GPC5: variants seen among roughly 807,000 people sequenced by gnomAD.
GPC5 encodes glypican-5.
GPC5 carries 47 observed loss-of-function variants against 53.9 expected under a neutral mutation model. The ratio of observed to expected loss-of-function variants is 0.87; its 90% CI spans 0.69 to 1.11. GPC5 has a LOEUF of 1.11. Ranked by LOEUF, GPC5 falls within the 50% of genes most tolerant of loss-of-function variation. The probability of loss-of-function intolerance (pLI) is 0.00; values close to 1 mark genes in which losing one functional copy is unlikely to be tolerated. For synonymous variants in GPC5, 286 were observed against 263.3 expected (o/e 1.09, Z -0.84); for missense variants, 748 against 713.1 (o/e 1.05, Z -0.56).
At chr13:91,757,260 T>C (rs574082066) in intron 5 of GPC5, among the ~76,000 whole-genome samples, 3 of 152,258 alleles carry the variant, frequency 2.0e-5, no homozygotes, top group Admixed American at 6.5e-5. Flanking sequence ...TCTGTTAAAC[T>C]ATAAAATAAA....
intron 7 of GPC5, among the ~76,000 whole-genome samples, chr13:92,204,286 T>A (rs1218170880): frequency 6.6e-6 from 1 of 152,216 alleles, no homozygotes; most frequent in Non-Finnish European, 1.5e-5. Context: ...TACTAATGGC[T>A]TATGAGGTTT....
At chr13:91,510,831 GT>G (rs1266990238) in intron 2 of GPC5, among the ~76,000 whole-genome samples, 2 of 151,936 alleles carry the variant, frequency 1.3e-5, no homozygotes, top group Admixed American at 6.6e-5. Flanking sequence ...TTTTTCAGTT[GT>G]TTTATTAACT....
intron 5 of GPC5, among the ~76,000 whole-genome samples, chr13:91,782,678 T>A (rs1013194097): frequency 6.6e-6 from 1 of 152,184 alleles, no homozygotes; most frequent in African/African-American, 2.4e-5. Flanking sequence ...TGTACCTAAT[T>A]TATGAAACTT....
intron 1 of GPC5, among the ~76,000 whole-genome samples, chr13:91,415,805 T>C (rs1407149532): frequency 6.6e-6 from 1 of 152,134 alleles, no homozygotes; most frequent in Non-Finnish European, 1.5e-5. Flanking sequence ...AATGTAAAGA[T>C]GTTGCTCAAT....
At chr13:92,446,699 A>T (rs1192823336) in intron 7 of GPC5, 1 of 152,158 alleles carries the variant, frequency 6.6e-6, no homozygotes, top group East Asian at 1.9e-4. Context: ...TTTGTGAGGA[A>T]CACCCAAGCT....
chr13:91,513,151 T>C (rs551593331), intron 2 of GPC5, among the ~76,000 whole-genome samples: 2 of 152,328 alleles, frequency 1.3e-5, no homozygotes, highest in East Asian at 1.9e-4. Flanking sequence ...TAGCTCTTTT[T>C]CCTTCATTAA....
At chr13:91,450,682 G>A (rs1054639766) in intron 2 of GPC5, among the ~76,000 whole-genome samples, 7 of 152,024 alleles carry the variant, frequency 4.6e-5, no homozygotes, top group African/African-American at 1.7e-4. Flanking sequence ...TTTGTTTTCT[G>A]TTTACTAAAT....
At chr13:91,821,454 G>A (rs371069874) in intron 5 of GPC5, among the ~76,000 whole-genome samples, 2 of 151,936 alleles carry the variant, frequency 1.3e-5, no homozygotes, top group Non-Finnish European at 2.9e-5. Context: ...TTCTTGTTCC[G>A]TTGTTTTGTT....
rs61418155 is a variant in GPC5 at position 92,170,420 on chromosome 13, C to CTTTTTTTTT, written c.1561+25446_1561+25454dup. On this transcript the variant is annotated intron_variant, in intron 7 of 7. Transcript: ENST00000377067. ...TTTTTCTTTTTTTGTCTTTTCTTTG[C>CTTTTTTTTT]TTTTTTTTTTTTTTTTTTTTTTTGA... Among the ~76,000 whole-genome samples the CTTTTTTTTT allele has an allele frequency of 7.0e-4, 53 of 75,262 alleles. 1 individual carries two copies. Among genetic ancestry groups the CTTTTTTTTT allele is most frequent in the East Asian group, 1.3e-3 (3 of 2,244 alleles). 49.4% of individuals were successfully genotyped at this position (75,262 alleles called of 152,430 possible).
At chr13:92,732,250 T>A (rs1888828884) in intron 7 of GPC5, among the ~76,000 whole-genome samples, 1 of 151,522 alleles carries the variant, frequency 6.6e-6, no homozygotes, top group African/African-American at 2.4e-5. Flanking sequence ...CAACCTAGAT[T>A]CATATGCCAT....
intron 7 of GPC5, among the ~76,000 whole-genome samples, chr13:92,770,414 CAAAAAAAAA>C (rs34087505): frequency 2.6e-5 from 2 of 76,892 alleles, no homozygotes; most frequent in Non-Finnish European, 4.8e-5. Context: ...GACCCTGTCT[CAAAAAAAAA>C]AAAAAAAAAA....
intron 7 of GPC5, among the ~76,000 whole-genome samples, chr13:92,210,756 A>G (rs2042369341): frequency 6.6e-6 from 1 of 152,238 alleles, no homozygotes; most frequent in African/African-American, 2.4e-5. Flanking sequence ...GCTCTGAGTC[A>G]TGCTAGAAAT....
intron 6 of GPC5, among the ~76,000 whole-genome samples, chr13:91,991,772 T>G (rs944193452): frequency 6.6e-6 from 1 of 152,200 alleles, no homozygotes; most frequent in African/African-American, 2.4e-5. Context: ...ATGAATTCTA[T>G]TTTTTGTCTT....
intron 7 of GPC5, among the ~76,000 whole-genome samples, chr13:92,480,839 A>T (rs1331302783): frequency 6.6e-5 from 10 of 152,294 alleles, no homozygotes; most frequent in Middle Eastern, 3.4e-3. Context: ...CAGTGTAGTC[A>T]TAAGAGTTGA....
intron 2 of GPC5, among the ~76,000 whole-genome samples, chr13:91,607,320 G>A (rs996414899): frequency 5.9e-5 from 9 of 152,240 alleles, no homozygotes; most frequent in South Asian, 4.1e-4. Context: ...AAGTCTTTAC[G>A]TTCTTAGAAG....
chr13:92,348,183 A>G (rs952671336), intron 7 of GPC5, among the ~76,000 whole-genome samples: 1 of 151,082 alleles, frequency 6.6e-6, no homozygotes, highest in Non-Finnish European at 1.5e-5. Context: ...AAAGTAACTG[A>G]AAGGATAAAA....
chr13:92,654,938 G>A (rs1193888861), intron 7 of GPC5, among the ~76,000 whole-genome samples: 2 of 152,128 alleles, frequency 1.3e-5, no homozygotes, highest in East Asian at 3.9e-4. Context: ...GGGAAATTTG[G>A]AGACAGACAC....
chr13:91,474,459 G>A (rs1167687563), intron 2 of GPC5, among the ~76,000 whole-genome samples: 1 of 152,012 alleles, frequency 6.6e-6, no homozygotes, highest in Non-Finnish European at 1.5e-5. Flanking sequence ...GATTATATGA[G>A]CTATTCTTCC....
intron 6 of GPC5, among the ~76,000 whole-genome samples, chr13:91,981,569 G>A (rs959525295): frequency 1.3e-5 from 2 of 152,194 alleles, no homozygotes; most frequent in African/African-American, 4.8e-5. Flanking sequence ...GATTACAGGC[G>A]TGAGCCACCG....
Sources: allele counts gnomAD v4.1 joint callset (sites outside exome capture counted in the v4.1 genomes callset), GRCh38; gene constraint gnomAD v4.1.1; transcripts MANE v1.5; gene names NCBI Gene and HGNC (gene_info 2026-07-23, HGNC 2026-07-21).